Variants in TSPEAR observed in about 807,000 individuals in gnomAD.
TSPEAR encodes thrombospondin-type laminin G domain and EAR repeat-containing protein.
A neutral mutation model predicts 71.6 loss-of-function variants in TSPEAR; 69 were observed. That is an observed-to-expected ratio of 0.96 (90% CI 0.79 to 1.18). The LOEUF (loss-of-function observed/expected upper bound fraction) is 1.18, where lower values mean the gene tolerates loss of function less well. TSPEAR is among the 50% of genes most tolerant of loss of function. TSPEAR has a pLI of 0.00. For missense variants in TSPEAR, 971 were observed against 894.9 expected, an observed-to-expected ratio of 1.09 and a Z score of -1.09; for synonymous variants, 402 against 387.2, an observed-to-expected ratio of 1.04 and a Z score of -0.45.
chr21:44,574,801 C>G (rs782342678), intron 1 of TSPEAR: 35 of 1,614,154 alleles, frequency 2.2e-5, no homozygotes, highest in South Asian at 3.3e-5. Flanking sequence ...TGCCAGCCAG[C>G]TTGCTGCACC....
intron 1 of TSPEAR, chr21:44,627,116 GACACACTC>G: frequency 1.3e-6 from 2 of 1,582,130 alleles, no homozygotes; most frequent in Non-Finnish European, 1.7e-6. Flanking sequence ...CTCACTCACT[GACACACTC>G]ACACACTCAC....
intron 1 of TSPEAR, among the ~76,000 whole-genome samples, chr21:44,583,460 C>T (rs959064905): frequency 6.6e-6 from 1 of 152,204 alleles, no homozygotes; most frequent in East Asian, 1.9e-4. Context: ...CGCACTAAGC[C>T]GGTGTTGGCT....
intron 2 of TSPEAR, chr21:44,558,117 C>A (rs199987981): frequency 1.2e-6 from 2 of 1,611,244 alleles, no homozygotes; most frequent in Admixed American, 3.3e-5. Context: ...GCACGTGGGG[C>A]GGCAGAGGAG....
chr21:44,531,938 C>T (rs782667071), intron 3 of TSPEAR, among the ~76,000 whole-genome samples: 22 of 152,346 alleles, frequency 1.4e-4, no homozygotes, highest in Non-Finnish European at 2.4e-4. Context: ...CTCCCGCCCA[C>T]GCTGCCACTG....
rs369446948 is a variant in TSPEAR, at chr21:44,676,052, A to G, written c.82+35381T>C. ...TACTAGCTCCAGATCACCATGCTCA[A>G]TGCAATAGGAGGCATATGACAGTAA... is the stretch of plus-strand genomic sequence containing the variant. On this transcript the variant is annotated intron_variant, in intron 1 of 11. Coordinates refer to ENST00000323084, the MANE Select transcript of TSPEAR (RefSeq NM_144991.3). The G allele has an allele frequency of 6.5e-4, 573 of 879,796 alleles. 8 individuals are homozygous for G. In the South Asian group the frequency reaches 7.0e-3, roughly 11 times the overall value. The allele number at this position is 879,796 out of a possible 1,614,324, so 54.5% of individuals were successfully genotyped here.
intron 1 of TSPEAR, among the ~76,000 whole-genome samples, chr21:44,636,010 T>C (rs1983541175): frequency 6.6e-6 from 1 of 152,192 alleles, no homozygotes; most frequent in African/African-American, 2.4e-5. Flanking sequence ...AAATTTAAAA[T>C]TTTTAGTCTT....
At chr21:44,637,077 C>A (rs587686986) in intron 1 of TSPEAR, among the ~76,000 whole-genome samples, 2 of 152,304 alleles carry the variant, frequency 1.3e-5, no homozygotes, top group East Asian at 3.9e-4. Flanking sequence ...AGTCACGGGA[C>A]CTGCCAGGTG....
chr21:44,560,500 GA>G (rs1555920839), intron 2 of TSPEAR, among the ~76,000 whole-genome samples: 1 of 152,196 alleles, frequency 6.6e-6, no homozygotes, highest in Non-Finnish European at 1.5e-5. Flanking sequence ...GACATCTGCA[GA>G]ACTCTCCACC....
At chr21:44,632,365 T>A (rs587690799) in intron 1 of TSPEAR, among the ~76,000 whole-genome samples, 407 of 149,618 alleles carry the variant, frequency 2.7e-3, no homozygotes, top group Non-Finnish European at 5.0e-3. Context: ...AGAAAAAAAC[T>A]GTCCACCAAG....
At chr21:44,674,880 A>T (rs1555946644) in intron 1 of TSPEAR, among the ~76,000 whole-genome samples, 1 of 152,050 alleles carries the variant, frequency 6.6e-6, no homozygotes, top group East Asian at 1.9e-4. Context: ...TGAATTAAAA[A>T]AAAAAAGAAA....
intron 1 of TSPEAR, among the ~76,000 whole-genome samples, chr21:44,655,554 C>G (rs3966427): frequency 0.77 from 116,879 of 152,150 alleles, 45,414 homozygotes; most frequent in African/African-American, 0.89. Flanking sequence ...ATCACGGAGT[C>G]GGGCATGAGC....
chr21:44,517,104 A>G (rs2052598297), intron 9 of TSPEAR: 1 of 152,466 alleles, frequency 6.6e-6, no homozygotes, highest in African/African-American at 2.4e-5. Flanking sequence ...ATCCCTGGAC[A>G]CACTTTGTGC....
chr21:44,509,320 T>C lies in TSPEAR; in HGVS notation c.1633A>G (p.Ser545Gly). ...TGCATCTCCACATCGTAGCTGTGAC[T>C]GTTTGCCACAGCGAGGAAGATCCTC... ...GERIFLAVAN[S>G]HSYDVEMQVQ... is the part of the protein sequence containing the mutation. Residue 545 changes from serine (S) to glycine (G), a missense_variant, in exon 10 of 12, where the codon AGT becomes GGT. Transcript: ENST00000323084. The C allele has an allele frequency of 6.2e-7, 1 of 1,613,954 alleles. No homozygotes were observed. The highest frequency in any genetic ancestry group is 8.5e-7 in the Non-Finnish European group (1 of 1,179,938).
intron 1 of TSPEAR, chr21:44,666,183 C>T (rs1985746505): frequency 6.3e-6 from 3 of 479,168 alleles, no homozygotes; most frequent in East Asian, 6.4e-5. Flanking sequence ...ACCAGAAATG[C>T]AGAGCTGCAT....
rs587740088 is a variant in TSPEAR at position 44,544,362 on chromosome 21, T to G, written c.304-10439A>C. Among the ~76,000 whole-genome samples the G allele has an allele frequency of 2.4e-4, 37 of 152,172 alleles. No individual in the cohort carries two copies. In the South Asian group the frequency reaches 7.5e-3, roughly 31 times the overall value. On this transcript the variant is annotated intron_variant, in intron 2 of 11. Coordinates refer to ENST00000323084, the MANE Select transcript of TSPEAR (RefSeq NM_144991.3). ...GATGTGGAATGACTACAAAGGGGCATGAGGGAAATTTGTGGGATGATGAGA... is the reference window on the plus strand; with the variant it reads ...GATGTGGAATGACTACAAAGGGGCAGGAGGGAAATTTGTGGGATGATGAGA...
intron 1 of TSPEAR, among the ~76,000 whole-genome samples, chr21:44,582,975 AC>A (rs1228472456): frequency 2.7e-5 from 4 of 150,278 alleles, no homozygotes; most frequent in African/African-American, 9.8e-5. Flanking sequence ...GGTGTGCACC[AC>A]CACATCCAGC....
At chr21:44,613,325 T>C (rs1177017294) in intron 1 of TSPEAR, among the ~76,000 whole-genome samples, 2 of 152,214 alleles carry the variant, frequency 1.3e-5, no homozygotes, top group Non-Finnish European at 2.9e-5. Context: ...GACAGTGGCC[T>C]AACTCCTCCA....
intron 9 of TSPEAR, chr21:44,519,783 C>T (rs1165985136): frequency 6.6e-6 from 1 of 152,242 alleles, no homozygotes; most frequent in African/African-American, 2.4e-5. Context: ...CGTTCTGAGC[C>T]TCTGTGTCCT....
intron 1 of TSPEAR, among the ~76,000 whole-genome samples, chr21:44,670,123 C>A (rs1985985481): frequency 6.6e-6 from 1 of 152,178 alleles, no homozygotes; most frequent in Non-Finnish European, 1.5e-5. Context: ...AGATATGACT[C>A]AACTCTATTT....
Sources: gnomAD v4.1 joint callset for allele counts (sites outside exome capture counted in the v4.1 genomes callset) on GRCh38, gnomAD v4.1.1 for gene constraint, MANE v1.5 for transcripts, NCBI Gene and HGNC (gene_info 2026-07-23, HGNC 2026-07-21) for gene names.